The following VPS53 variants were observed in gnomAD, a reference collection of about 807,000 sequenced individuals.
VPS53 encodes the protein VPS53 subunit of GARP complex.
Under a neutral mutation model 107.0 loss-of-function variants are expected in VPS53, and 70 were observed. The ratio of observed to expected loss-of-function variants is 0.65; its 90% confidence interval spans 0.54 to 0.80. The LOEUF (loss-of-function observed/expected upper bound fraction) is 0.80, where lower values mean the gene tolerates loss of function less well. VPS53 is among the 30% of genes least tolerant of loss of function. The probability of loss-of-function intolerance (pLI) is 0.00; values close to 1 mark genes in which losing one functional copy is unlikely to be tolerated. For synonymous variants in VPS53, 409 were observed against 393.3 expected, an observed-to-expected ratio of 1.04 and a Z score of -0.47; for missense variants, 917 against 1,049.4, an observed-to-expected ratio of 0.87 and a Z score of 1.74.
At chr17:647,776 C>A (rs558441217) in intron 7 of VPS53, among the ~76,000 whole-genome samples, 179 of 152,164 alleles carry the variant, frequency 1.2e-3, no homozygotes, top group African/African-American at 3.4e-3. Context: ...TGCCCCGGAG[C>A]GTCAGAAATA....
chr17:658,845 G>A (rs373097000), intron 5 of VPS53, among the ~76,000 whole-genome samples: 3 of 152,280 alleles, frequency 2.0e-5, no homozygotes, highest in East Asian at 1.9e-4. Flanking sequence ...CCGTGAGTTC[G>A]TGTGCCCTGC....
Position 562,751 on chromosome 17 carries a change from A to AG in VPS53, c.1314-7dup, listed in dbSNP as rs751110851. 1 of 1,578,178 alleles carries AG rather than the reference A, an allele frequency of 6.3e-7. No individual in the cohort carries two copies. Among genetic ancestry groups the AG allele is most frequent in the Non-Finnish European group, 8.6e-7 (1 of 1,164,590 alleles). ...CTATCAGCTCTCCGAGGTTCCTAGGAGGAAAAAAAAAAACCAAAAATGTTA... is the reference window on the plus strand; with the variant it reads ...CTATCAGCTCTCCGAGGTTCCTAGGAGGGAAAAAAAAAAACCAAAAATGTTA... On this transcript the variant is annotated splice_region_variant and splice_polypyrimidine_tract_variant and intron_variant, in intron 13 of 21. Coordinates refer to ENST00000437048, the MANE Select transcript of VPS53 (RefSeq NM_001128159.3).
chr17:553,849 T>C (rs1184838543), intron 15 of VPS53, among the ~76,000 whole-genome samples: 3 of 152,112 alleles, frequency 2.0e-5, no homozygotes, highest in African/African-American at 2.4e-5. Context: ...AGATTACAAG[T>C]GTGAGCCACT....
intron 4 of VPS53, among the ~76,000 whole-genome samples, chr17:688,443 C>T (rs1333938102): frequency 1.3e-5 from 2 of 152,150 alleles, no homozygotes; most frequent in Non-Finnish European, 2.9e-5. Flanking sequence ...ATAAATTACC[C>T]CGTCTAAGGT....
intron 4 of VPS53, chr17:673,731 C>A (rs1005755656): frequency 1.3e-5 from 2 of 152,264 alleles, no homozygotes; most frequent in Admixed American, 1.3e-4. Context: ...GCACAGATTT[C>A]TTTCCAAGTT....
chr17:589,630 G>C (rs913015079), intron 12 of VPS53, among the ~76,000 whole-genome samples: 2 of 152,132 alleles, frequency 1.3e-5, no homozygotes, highest in Non-Finnish European at 2.9e-5. Context: ...AAAAAGTAAA[G>C]GATAACGTCA....
intron 10 of VPS53, 137 bp from the exon 11 acceptor site, chr17:623,811 T>C (rs979824445): frequency 2.2e-6 from 2 of 921,924 alleles, no homozygotes; most frequent in Non-Finnish European, 3.0e-6. Context: ...TGTTACCACC[T>C]TAGTCTAAAA....
intron 17 of VPS53, 67 bp from the exon 18 acceptor site, chr17:537,243 A>AGG: frequency 6.4e-7 from 1 of 1,564,270 alleles, no homozygotes. Context: ...TTACTGGGGA[A>AGG]GGGAGGGGCT....
intron 10 of VPS53, 147 bp from the exon 11 acceptor site, chr17:623,821 A>C: frequency 1.2e-6 from 1 of 839,564 alleles, no homozygotes; most frequent in Non-Finnish European, 1.7e-6. Context: ...TTAGTCTAAA[A>C]CCTGGGGAAT....
At chr17:588,056 G>A (rs150906024) in intron 12 of VPS53, among the ~76,000 whole-genome samples, 1 of 152,244 alleles carries the variant, frequency 6.6e-6, no homozygotes, top group African/African-American at 2.4e-5. Flanking sequence ...GGTGGCTCAC[G>A]CCTGTAATCC....
intron 4 of VPS53, among the ~76,000 whole-genome samples, chr17:667,666 GC>G (rs1162262545): frequency 1.6e-5 from 2 of 125,296 alleles, no homozygotes; most frequent in African/African-American, 5.7e-5. Flanking sequence ...GGGGGGGGGG[GC>G]AATGGGTTAA....
At chr17:637,809 C>A (rs1970258508) in intron 7 of VPS53, among the ~76,000 whole-genome samples, 1 of 152,180 alleles carries the variant, frequency 6.6e-6, no homozygotes, top group African/African-American at 2.4e-5. Context: ...TGTTCTTTTA[C>A]ATTTGCTGAG....
chr17:608,023 C>T (rs898318401), intron 11 of VPS53, among the ~76,000 whole-genome samples: 5 of 152,168 alleles, frequency 3.3e-5, no homozygotes, highest in African/African-American at 4.8e-5. Flanking sequence ...GGAAAGCTTT[C>T]GCTTGTGAGA....
At chr17:555,522 CG>C (rs1170142892) in intron 15 of VPS53, among the ~76,000 whole-genome samples, 32 of 151,842 alleles carry the variant, frequency 2.1e-4, no homozygotes, top group Non-Finnish European at 3.2e-4. Flanking sequence ...TTAGTAGAGA[CG>C]GGGGTTTTAC....
chr17:622,528 G>A (rs899352078), intron 11 of VPS53, among the ~76,000 whole-genome samples: 2 of 152,040 alleles, frequency 1.3e-5, no homozygotes, highest in Admixed American at 6.6e-5. Flanking sequence ...TGCACGACTC[G>A]AGGAGACGGA....
intron 15 of VPS53, among the ~76,000 whole-genome samples, chr17:560,219 C>T (rs1199124531): frequency 1.3e-5 from 2 of 152,190 alleles, no homozygotes; most frequent in African/African-American, 4.8e-5. Context: ...ACTTTCTTGC[C>T]CAGTCTTCTT....
At chr17:614,365 T>C (rs1231352652) in intron 11 of VPS53, among the ~76,000 whole-genome samples, 1 of 152,154 alleles carries the variant, frequency 6.6e-6, no homozygotes, top group African/African-American at 2.4e-5. Flanking sequence ...AGAAAGAATA[T>C]ACCCAAATCC....
intron 4 of VPS53, among the ~76,000 whole-genome samples, chr17:668,979 C>T (rs1291330010): frequency 1.3e-5 from 2 of 152,052 alleles, no homozygotes; most frequent in Admixed American, 6.5e-5. Context: ...AGACTTTTTT[C>T]GGGCTGGAAT....
At chr17:657,205 C>G (rs1447406427) in intron 5 of VPS53, 2 of 1,507,568 alleles carry the variant, frequency 1.3e-6, no homozygotes, top group African/African-American at 1.4e-5. Context: ...AAAGATTTTT[C>G]TCACTTTGCA....
Sources: gnomAD v4.1 joint callset for allele counts (sites outside exome capture counted in the v4.1 genomes callset) on GRCh38, gnomAD v4.1.1 for gene constraint, MANE v1.5 for transcripts, NCBI Gene and HGNC (gene_info 2026-07-23, HGNC 2026-07-21) for gene names.